Variants in PALM observed in about 807,000 individuals in gnomAD.
PALM encodes paralemmin-1.
Under a neutral mutation model 30.7 loss-of-function variants are expected in PALM, and 18 were observed. That is an observed-to-expected ratio of 0.59 (90% CI 0.41 to 0.87). The LOEUF (loss-of-function observed/expected upper bound fraction) is 0.87. PALM is among the 40% of genes least tolerant of loss of function. PALM has a pLI of 0.00. For synonymous variants in PALM, 286 were observed against 242.8 expected (o/e 1.18, Z -1.66); for missense variants, 529 against 555.4 (o/e 0.95, Z 0.48).
rs576590109 is a variant in PALM at position 719,517 on chromosome 19, C to G, written c.6-6621C>G. 2.4e-5 allele frequency: 24 copies of G among 985,392 alleles called. No homozygotes were observed. The East Asian group carries it at 1.9e-3, about 79-fold the overall frequency. The allele number at this position is 985,392 out of a possible 1,614,324, so 61.0% of individuals were successfully genotyped here. The stretch of plus-strand genomic sequence containing the variant: ...CGCTCCAGGGGCTCTGCGCGGCTGC[C>G]GGGAGCCAGGGAGGCTCGGAGACCC... On this transcript the variant is annotated intron_variant, in intron 1 of 8. Transcript: ENST00000338448.
Position 709,850 on chromosome 19 carries a change from C to CA in PALM, c.5+700dup, listed in dbSNP as rs373745051. On this transcript the variant is annotated intron_variant, in intron 1 of 8. Coordinates refer to ENST00000338448, the MANE Select transcript of PALM (RefSeq NM_002579.3). This position sits in a 1 kb window ranked among gnomAD's most constrained non-coding sequence, Gnocchi z 4.3. ...AGCTGGGGCTCCACTGGTGTAGCTA[C>CA]AGGAGTGGGCTGGCCCTGGGCTGGG... 2.7e-3 allele frequency among the ~76,000 whole-genome samples: 411 copies of CA among 152,186 alleles called. 4 individuals are homozygous for CA. Among genetic ancestry groups the CA allele is most frequent in the African/African-American group, 9.1e-3 (379 of 41,524 alleles).
chr19:743,107 T>C (rs1402020977), intron 8 of PALM, among the ~76,000 whole-genome samples: 2 of 152,136 alleles, frequency 1.3e-5, no homozygotes, highest in Non-Finnish European at 2.9e-5. Flanking sequence ...CCCTGTGGTT[T>C]GGATTCCCAA....
intron 8 of PALM, among the ~76,000 whole-genome samples, chr19:744,771 G>A (rs1304483423): frequency 1.3e-5 from 2 of 151,628 alleles, no homozygotes; most frequent in Non-Finnish European, 2.9e-5. Context: ...GCGGGTGCCT[G>A]TAATCCCAGC....
chr19:721,565 C>G (rs952419109), intron 1 of PALM, among the ~76,000 whole-genome samples: 35 of 151,920 alleles, frequency 2.3e-4, no homozygotes, highest in African/African-American at 8.2e-4. Context: ...CGTGCCTGGC[C>G]TTCTTTTTTT....
In PALM at chr19:746,988, G is replaced by T. The variant is rs1294898883; in HGVS notation, c.*174G>T. On this transcript the variant is annotated 3_prime_UTR_variant, in exon 9 of 9. Transcript: ENST00000338448. The surrounding 1 kb of genome is among the most constrained non-coding windows in gnomAD (Gnocchi z 7.1). ...GAAAGAGGGACAGGGGCCCCCACCC[G>T]TCACCACGCCCCAACACTCCCCCCG... 3.4e-6 allele frequency: 2 copies of T among 596,518 alleles called. No individual in the cohort carries two copies. The highest frequency in any genetic ancestry group is 5.6e-5 in the East Asian group (2 of 35,910). 37.0% of individuals were successfully genotyped at this position (596,518 alleles called of 1,614,324 possible). A position where few individuals can be genotyped will look rare whatever the true frequency, so the allele number is the denominator to read the frequency against.
Position 727,696 on chromosome 19 carries a change from T to TG in PALM, c.269+7dup, listed in dbSNP as rs1472787748. Reference sequence around the variant, plus strand: ...GCTGCTGGAGGACTCGGTGTCCAGGTGGGGGCTGCAGCGTGGGTGCCACCG... The same window carrying TG: ...GCTGCTGGAGGACTCGGTGTCCAGGTGGGGGGCTGCAGCGTGGGTGCCACCG... On this transcript the variant is annotated splice_region_variant and intron_variant, in intron 4 of 8. Transcript: ENST00000338448. The TG allele has an allele frequency of 6.4e-7, 1 of 1,551,498 alleles. No individual in the cohort carries two copies. The highest frequency in any genetic ancestry group is 1.4e-5 in the African/African-American group (1 of 73,554).
Position 744,944 on chromosome 19 carries a change from C to G in PALM, c.635-1341C>G, listed in dbSNP as rs113624353. 8.6e-3 allele frequency among the ~76,000 whole-genome samples: 1,287 copies of G among 150,336 alleles called. 20 individuals carry two copies. Among genetic ancestry groups the G allele is most frequent in the African/African-American group, 0.03 (1,213 of 40,782 alleles). On this transcript the variant is annotated intron_variant, in intron 8 of 8. Transcript: ENST00000338448. ...TGTGTAATCCCAGCACCTTGGGAGG[C>G]CAAAGTGGGTGGATCACCTAAGGTC... is the stretch of plus-strand genomic sequence containing the variant.
intron 3 of PALM, 121 bp downstream of exon 3, chr19:727,209 G>GCCCTGACCCTGACCCTGACCCCAA: frequency 1.7e-6 from 1 of 597,882 alleles, no homozygotes; most frequent in Non-Finnish European, 2.9e-6. Context: ...CCTGCCTCCA[G>GCCCTGACCCTGACCCTGACCCCAA]CCCTGACCCT....
Position 746,207 on chromosome 19 carries a change from C to T in PALM, c.635-78C>T, listed in dbSNP as rs1032437706. On this transcript the variant is annotated intron_variant, in intron 8 of 8. Transcript: ENST00000338448. This position sits in a 1 kb window ranked among gnomAD's most constrained non-coding sequence, Gnocchi z 7.1. ...AGGATACAAGCCTTGCCAAGGTTTC[C>T]CTCCTGCCTGAGCCAGGTCACTCTC... 5.1e-6 allele frequency: 6 copies of T among 1,168,184 alleles called. No homozygotes were observed. The Admixed American group carries it at 8.0e-5, about 16-fold the overall frequency. The allele number at this position is 1,168,184 out of a possible 1,614,324, so 72.4% of individuals were successfully genotyped here. A position where few individuals can be genotyped will look rare whatever the true frequency, so the allele number is the denominator to read the frequency against.
intron 1 of PALM, among the ~76,000 whole-genome samples, chr19:712,428 C>T (rs1486035308): frequency 6.6e-6 from 1 of 151,964 alleles, no homozygotes; most frequent in African/African-American, 2.4e-5. Context: ...GCTCCATCAC[C>T]CAGGCAGTGC....
At chr19:727,141 G>T in intron 3 of PALM, 53 bp downstream of exon 3, 1 of 1,232,636 alleles carries the variant, frequency 8.1e-7, no homozygotes, top group Non-Finnish European at 1.2e-6. Context: ...CTGTGAGGCG[G>T]AGGCCCCGGA....
intron 4 of PALM, 109 bp from the exon 5 acceptor site, chr19:730,986 A>C (rs1192401573): frequency 1.4e-6 from 1 of 703,116 alleles, no homozygotes; most frequent in Non-Finnish European, 2.3e-6. Context: ...GGGCAACAAG[A>C]GCGAGAATCT....
intron 7 of PALM, among the ~76,000 whole-genome samples, chr19:739,523 A>G (rs1484364855): frequency 1.3e-5 from 2 of 151,846 alleles, no homozygotes; most frequent in Admixed American, 6.6e-5. Flanking sequence ...TCCAAAAAAG[A>G]TAAATAAATT....
chr19:709,109 G>A lies in PALM; in HGVS notation c.-38G>A. ...CCGCGCGCCACCCGCGCCCGCCCCC[G>A]CCCGGCACCGCGGACCCACCCGGAC... On this transcript the variant is annotated 5_prime_UTR_variant, in exon 1 of 9. Transcript: ENST00000338448. This position sits in a 1 kb window ranked among gnomAD's most constrained non-coding sequence, Gnocchi z 4.3. The A allele has an allele frequency of 3.9e-6, 1 of 259,072 alleles. No individual in the cohort carries two copies. Among genetic ancestry groups the A allele is most frequent in the Non-Finnish European group, 7.2e-6 (1 of 138,444 alleles). The allele number at this position is 259,072 out of a possible 1,614,324, so 16.0% of individuals were successfully genotyped here. A position where few individuals can be genotyped will look rare whatever the true frequency, so the allele number is the denominator to read the frequency against.
chr19:725,380 G>A (rs569940979), intron 1 of PALM, among the ~76,000 whole-genome samples: 34 of 151,970 alleles, frequency 2.2e-4, no homozygotes, highest in Middle Eastern at 3.4e-3. Flanking sequence ...CCAACATGGT[G>A]AAACCCCTGT....
At chr19:739,215 A>G (rs1412570964) in intron 7 of PALM, among the ~76,000 whole-genome samples, 1 of 151,968 alleles carries the variant, frequency 6.6e-6, no homozygotes, top group Non-Finnish European at 1.5e-5. Flanking sequence ...GGGTTCCTTC[A>G]TTCTGAGTCT....
chr19:745,108 A>AGGTGGAG lies in PALM; in HGVS notation c.635-1175_635-1169dup, dbSNP rs963270287. 8.5e-5 allele frequency among the ~76,000 whole-genome samples: 13 copies of AGGTGGAG among 152,298 alleles called. No individual in the cohort carries two copies. In the South Asian group the frequency reaches 2.3e-3, roughly 27 times the overall value. ...GGCAGGATAATTGCTTGAACCTGGA[A>AGGTGGAG]GGTGGAGGTTGCAGTGAACTGAGAT... is the stretch of plus-strand genomic sequence containing the variant. On this transcript the variant is annotated intron_variant, in intron 8 of 8. Transcript: ENST00000338448.
chr19:726,965 G>GGGGGGGGACGCGGGC, intron 2 of PALM, 43 bp from the exon 3 acceptor site: 2 of 1,037,618 alleles, frequency 1.9e-6, no homozygotes, highest in Non-Finnish European at 2.7e-6. Flanking sequence ...GGGTCTCCGG[G>GGGGGGGGACGCGGGC]ACCCCCACGC....
At position 727,544 on chromosome 19, in the gene PALM, C is replaced by G. The variant is rs3746168; in HGVS notation, c.139-20C>G. 503,782 of 1,562,218 alleles carry G rather than the reference C, an allele frequency of 0.32. 84,526 individuals are homozygous for G. Among genetic ancestry groups the G allele is most frequent in the East Asian group, 0.49 (21,050 of 42,808 alleles). Reference sequence around the variant, plus strand: ...GCCCTGGTCCTGCCCACGACTCTGACCTGGATCCCTGCTGCTCAGTCCAAG... The same window carrying G: ...GCCCTGGTCCTGCCCACGACTCTGAGCTGGATCCCTGCTGCTCAGTCCAAG... On this transcript the variant is annotated intron_variant, in intron 3 of 8. Coordinates refer to ENST00000338448, the MANE Select transcript of PALM (RefSeq NM_002579.3).
Sources: allele counts gnomAD v4.1 joint callset (sites outside exome capture counted in the v4.1 genomes callset), GRCh38; gene constraint gnomAD v4.1.1; non-coding constraint Gnocchi (gnomAD v3.1); transcripts MANE v1.5; gene names NCBI Gene and HGNC (gene_info 2026-07-23, HGNC 2026-07-21).